Variants in MAP3K5 observed in about 807,000 individuals in gnomAD.
The protein encoded by MAP3K5 is mitogen-activated protein kinase kinase kinase 5.
MAP3K5 carries 56 observed loss-of-function variants against 158.7 expected under a neutral mutation model. The observed-to-expected ratio is 0.35, with a 90% CI of 0.28 to 0.44. The LOEUF (loss-of-function observed/expected upper bound fraction) is 0.44. Ranked by LOEUF, MAP3K5 falls within the 20% of genes least tolerant of loss-of-function variation. The pLI is 1.00. For synonymous variants in MAP3K5, 579 were observed against 601.7 expected (o/e 0.96, Z 0.55); for missense variants, 1,294 against 1,674.8 (o/e 0.77, Z 3.97).
chr6:136,615,732 A>AAT (rs895780686), intron 15 of MAP3K5, among the ~76,000 whole-genome samples: 9 of 152,100 alleles, frequency 5.9e-5, no homozygotes, highest in East Asian at 3.9e-4. Context: ...ATCTAAATTG[A>AAT]ATATATATAT....
intron 23 of MAP3K5, among the ~76,000 whole-genome samples, chr6:136,586,660 T>C (rs1054105368): frequency 2.0e-5 from 3 of 152,164 alleles, no homozygotes; most frequent in Admixed American, 6.5e-5. Flanking sequence ...GTCTACTTGA[T>C]TGGATCGAAG....
chr6:136,680,198 GT>G (rs763677261), intron 7 of MAP3K5, among the ~76,000 whole-genome samples: 1 of 152,154 alleles, frequency 6.6e-6, no homozygotes, highest in Non-Finnish European at 1.5e-5. Context: ...ATGGGCAACT[GT>G]TGTCTAACAG....
chr6:136,728,143 A>G (rs900120104), intron 1 of MAP3K5, among the ~76,000 whole-genome samples: 2 of 152,150 alleles, frequency 1.3e-5, no homozygotes, highest in Non-Finnish European at 2.9e-5. Flanking sequence ...TAAAATTTTT[A>G]GGGTAATAAC....
In MAP3K5 at chr6:136,601,798, A is replaced by G; in HGVS notation, c.2857+4T>C. 3.1e-6 allele frequency: 5 copies of G among 1,613,756 alleles called. No individual in the cohort carries two copies. The highest frequency in any genetic ancestry group is 4.2e-6 in the Non-Finnish European group (5 of 1,179,872). On this transcript the variant is annotated splice_donor_region_variant and intron_variant, in intron 20 of 29. Coordinates refer to ENST00000359015, the MANE Select transcript of MAP3K5 (RefSeq NM_005923.4). ...ACTATATCCTCTTCAATGCAACCAC[A>G]TACCTGAAAGCTTAGGTTGTGTCTT...
At chr6:136,638,794 T>C (rs1165457437) in intron 13 of MAP3K5, among the ~76,000 whole-genome samples, 3 of 152,192 alleles carry the variant, frequency 2.0e-5, no homozygotes, top group Admixed American at 1.3e-4. Flanking sequence ...ATATCAGTCA[T>C]TTATAATGGA....
intron 1 of MAP3K5, among the ~76,000 whole-genome samples, chr6:136,784,227 G>A (rs970683772): frequency 5.3e-5 from 8 of 152,190 alleles, no homozygotes; most frequent in Admixed American, 5.2e-4. Context: ...GATCCTGGCA[G>A]CCCAGGAAGC....
intron 1 of MAP3K5, among the ~76,000 whole-genome samples, chr6:136,749,307 A>C (rs1224223899): frequency 6.6e-6 from 1 of 150,864 alleles, no homozygotes; most frequent in East Asian, 2.0e-4. Flanking sequence ...TGAGAGGCAG[A>C]GGTTGCAGTG....
At position 136,769,747 on chromosome 6, in the gene MAP3K5, G is replaced by A. The variant is rs911592420; in HGVS notation, c.448+21963C>T. 1.8e-4 allele frequency among the ~76,000 whole-genome samples: 3 copies of A among 16,478 alleles called. No individual in the cohort carries two copies. The Admixed American group carries it at 2.2e-3, about 12-fold the overall frequency. The allele number at this position is 16,478 out of a possible 152,430, so 10.8% of individuals were successfully genotyped here. A position where few individuals can be genotyped will look rare whatever the true frequency, so the allele number is the denominator to read the frequency against. ...TGAAGGAAGGGAGGAAGGGAAGGAA[G>A]GAAGGAAGGAAGGAAGGAAGGAAGG... On this transcript the variant is annotated intron_variant, in intron 1 of 29. Coordinates refer to ENST00000359015, the MANE Select transcript of MAP3K5 (RefSeq NM_005923.4).
intron 8 of MAP3K5, among the ~76,000 whole-genome samples, chr6:136,664,430 T>A (rs1779141290): frequency 6.6e-6 from 1 of 152,078 alleles, no homozygotes; most frequent in African/African-American, 2.4e-5. Context: ...GCCTGAATCA[T>A]CCCTGAACCA....
intron 15 of MAP3K5, among the ~76,000 whole-genome samples, chr6:136,621,088 T>G (rs72979525): frequency 0.086 from 13,047 of 152,228 alleles, 689 homozygotes; most frequent in East Asian, 0.12. Flanking sequence ...ATTTTGTAGT[T>G]GTCACACAGT....
At chr6:136,644,218 G>A (rs1156771493) in intron 11 of MAP3K5, among the ~76,000 whole-genome samples, 2 of 152,200 alleles carry the variant, frequency 1.3e-5, no homozygotes, top group African/African-American at 4.8e-5. Context: ...GTTCCTGAAA[G>A]GTTGCCAGTG....
At chr6:136,734,217 G>A (rs1298100164) in intron 1 of MAP3K5, among the ~76,000 whole-genome samples, 5 of 151,906 alleles carry the variant, frequency 3.3e-5, no homozygotes, top group African/African-American at 7.3e-5. Flanking sequence ...TCAGGAGTTC[G>A]AGACCAGCCT....
At chr6:136,669,739 A>T (rs925025092) in intron 7 of MAP3K5, among the ~76,000 whole-genome samples, 1 of 152,186 alleles carries the variant, frequency 6.6e-6, no homozygotes, top group Non-Finnish European at 1.5e-5. Flanking sequence ...ATCCAATAAT[A>T]TTATACAGTA....
intron 1 of MAP3K5, among the ~76,000 whole-genome samples, chr6:136,778,432 C>T (rs895408545): frequency 6.6e-6 from 1 of 152,128 alleles, no homozygotes; most frequent in Non-Finnish European, 1.5e-5. Flanking sequence ...TTATTCATTA[C>T]TTAGTTCACT....
At chr6:136,600,998 T>C (rs1775849259) in intron 21 of MAP3K5, 24 bp downstream of exon 21, 3 of 1,613,330 alleles carry the variant, frequency 1.9e-6, no homozygotes, top group Non-Finnish European at 2.5e-6. Flanking sequence ...CTCAGCTCAA[T>C]GGGCAAAGTA....
At chr6:136,730,640 T>G (rs1376906674) in intron 1 of MAP3K5, among the ~76,000 whole-genome samples, 2 of 147,480 alleles carry the variant, frequency 1.4e-5, no homozygotes, top group Non-Finnish European at 3.0e-5. Flanking sequence ...GAGAATGGCG[T>G]GAACCCAGGA....
At chr6:136,784,882 A>C (rs948133984) in intron 1 of MAP3K5, among the ~76,000 whole-genome samples, 19 of 151,872 alleles carry the variant, frequency 1.3e-4, no homozygotes, top group African/African-American at 4.3e-4. Context: ...CTGGTTGTTG[A>C]TTTTCTTGTC....
chr6:136,574,754 T>C (rs1347997022), intron 25 of MAP3K5, among the ~76,000 whole-genome samples: 3 of 142,516 alleles, frequency 2.1e-5, no homozygotes, highest in Non-Finnish European at 4.5e-5. Flanking sequence ...AGTGGCACGA[T>C]CTCGGCTCAC....
chr6:136,567,381 T>C (rs1774161977), intron 26 of MAP3K5, among the ~76,000 whole-genome samples: 1 of 152,162 alleles, frequency 6.6e-6, no homozygotes, highest in African/African-American at 2.4e-5. Flanking sequence ...AACGAAGCTA[T>C]TGGAAAAATC....
Sources: allele counts gnomAD v4.1 joint callset (sites outside exome capture counted in the v4.1 genomes callset), GRCh38; gene constraint gnomAD v4.1.1; transcripts MANE v1.5; gene names NCBI Gene and HGNC (gene_info 2026-07-23, HGNC 2026-07-21).